Variants in IQCH observed in about 807,000 individuals in gnomAD.
IQCH encodes the protein IQ motif containing H, also known as IQ domain-containing protein H.
In IQCH, 98 loss-of-function variants were observed where a neutral mutation model predicts 117.0. That is an observed-to-expected ratio of 0.84 (90% CI 0.71 to 0.99). The LOEUF (loss-of-function observed/expected upper bound fraction) is 0.99, where lower values mean the gene tolerates loss of function less well. Ranked by LOEUF, IQCH falls within the 50% of genes least tolerant of loss-of-function variation. The pLI is 0.00. For synonymous variants in IQCH, 412 were observed against 448.2 expected, an observed-to-expected ratio of 0.92 and a Z score of 1.02; for missense variants, 1,102 against 1,243.8, an observed-to-expected ratio of 0.89 and a Z score of 1.72.
At chr15:67,263,034 A>G (rs1258736816) in intron 2 of IQCH, 88 bp from the exon 3 acceptor site, 2 of 751,574 alleles carry the variant, frequency 2.7e-6, no homozygotes, top group Non-Finnish European at 4.7e-6. Context: ...GCTTAATTAC[A>G]GGATTCAGAG....
intron 4 of IQCH, among the ~76,000 whole-genome samples, chr15:67,330,681 G>A (rs1170008991): frequency 6.6e-6 from 1 of 152,134 alleles, no homozygotes; most frequent in African/African-American, 2.4e-5. Flanking sequence ...AAACAAAAAA[G>A]CCCCACTGGG....
chr15:67,307,040 G>A, intron 4 of IQCH: 2 of 1,307,130 alleles, frequency 1.5e-6, no homozygotes, highest in Non-Finnish European at 1.9e-6. Context: ...AATTATGAAT[G>A]CATAACAAAA....
intron 10 of IQCH, among the ~76,000 whole-genome samples, chr15:67,380,041 G>A (rs368338007): frequency 1.3e-5 from 2 of 152,146 alleles, no homozygotes; most frequent in African/African-American, 4.8e-5. Context: ...TAGTAGAGAT[G>A]GGGTTTCTCC....
chr15:67,309,861 A>G (rs1967498231), intron 4 of IQCH, among the ~76,000 whole-genome samples: 1 of 150,714 alleles, frequency 6.6e-6, no homozygotes, highest in Non-Finnish European at 1.5e-5. Context: ...AGCAAATTAC[A>G]TTTCAGATCC....
rs1395123048 is a variant in IQCH at position 67,386,012 on chromosome 15, A to C, written c.1456+993A>C. ...AAATACATCAGTACTAGAAATTTAC[A>C]GTGTCCTAAAATAATAATCATAATT... On this transcript the variant is annotated intron_variant, in intron 11 of 20. Coordinates refer to ENST00000335894, the MANE Select transcript of IQCH (RefSeq NM_001031715.3). The surrounding 1 kb of genome is among the most constrained non-coding windows in gnomAD (Gnocchi z 5.0). Among the ~76,000 whole-genome samples, 12 of 152,192 alleles carry C rather than the reference A, an allele frequency of 7.9e-5. No individual in the cohort carries two copies. Among genetic ancestry groups the C allele is most frequent in the Non-Finnish European group, 1.8e-4 (12 of 68,028 alleles).
chr15:67,320,565 G>A (rs561861322), intron 4 of IQCH, among the ~76,000 whole-genome samples: 2 of 152,254 alleles, frequency 1.3e-5, no homozygotes, highest in South Asian at 2.1e-4. Flanking sequence ...AGAAAAAATA[G>A]CAACAAAGAA....
At chr15:67,302,240 C>A (rs548854192) in intron 4 of IQCH, among the ~76,000 whole-genome samples, 2 of 152,238 alleles carry the variant, frequency 1.3e-5, no homozygotes, top group East Asian at 3.9e-4. Flanking sequence ...ATTACAGAAA[C>A]CCACATCCAG....
rs2081823171 is a variant in IQCH, at chr15:67,424,082, G to C, written c.2505+2505G>C. ...TTACCACCCTTCTGGGCTTCTGGCT[G>C]AAAGGTCCCACCCTTCACTTGGCTG... On this transcript the variant is annotated intron_variant, in intron 16 of 20. Transcript: ENST00000335894. The surrounding 1 kb of genome is among the most constrained non-coding windows in gnomAD (Gnocchi z 4.9). 6.6e-6 allele frequency among the ~76,000 whole-genome samples: 1 copy of C among 152,142 alleles called. No homozygotes were observed. Among genetic ancestry groups the C allele is most frequent in the Admixed American group, 6.5e-5 (1 of 15,276 alleles).
rs1247000915 is a variant in IQCH, at chr15:67,408,551, T to C, written c.2097+8246T>C. On this transcript the variant is annotated intron_variant, in intron 14 of 20. Transcript: ENST00000335894. This position sits in a 1 kb window ranked among gnomAD's most constrained non-coding sequence, Gnocchi z 4.2. ...GTATGCATCTGTATGTGTGGAAATA[T>C]CAAACAAGGCACAGCTCTTCACTCT... 2.0e-5 allele frequency: 3 copies of C among 152,210 alleles called. No homozygotes were observed. Among genetic ancestry groups the C allele is most frequent in the Admixed American group, 6.5e-5 (1 of 15,276 alleles). The allele number at this position is 152,210 out of a possible 1,614,324, so 9.4% of individuals were successfully genotyped here. A position where few individuals can be genotyped will look rare whatever the true frequency, so the allele number is the denominator to read the frequency against.
chr15:67,354,801 G>T (rs932945100), intron 6 of IQCH, among the ~76,000 whole-genome samples: 2 of 152,210 alleles, frequency 1.3e-5, no homozygotes, highest in Admixed American at 1.3e-4. Context: ...GGTTGTCATG[G>T]TGTTCTTTCT....
rs1387044769 is a variant in IQCH, at chr15:67,405,450, A to G, written c.2097+5145A>G. 2 of 153,554 alleles carry G rather than the reference A, an allele frequency of 1.3e-5. No homozygotes were observed. The highest frequency in any genetic ancestry group is 2.9e-5 in the Non-Finnish European group (2 of 69,008). 9.5% of individuals were successfully genotyped at this position (153,554 alleles called of 1,614,324 possible). A position where few individuals can be genotyped will look rare whatever the true frequency, so the allele number is the denominator to read the frequency against. On this transcript the variant is annotated intron_variant, in intron 14 of 20. Coordinates refer to ENST00000335894, the MANE Select transcript of IQCH (RefSeq NM_001031715.3). This position sits in a 1 kb window ranked among gnomAD's most constrained non-coding sequence, Gnocchi z 4.8. ...CATCAATAAATACTGCAGAGTACCT[A>G]CTGGGTACCAGGTATTGTGCTAAGC...
intron 4 of IQCH, among the ~76,000 whole-genome samples, chr15:67,329,111 C>T (rs1968543006): frequency 6.6e-6 from 1 of 152,038 alleles, no homozygotes; most frequent in Admixed American, 6.6e-5. Flanking sequence ...CTAGCCTGGA[C>T]ACCATGGTGA....
intron 15 of IQCH, among the ~76,000 whole-genome samples, chr15:67,418,605 T>A (rs1403387084): frequency 1.5e-5 from 2 of 135,030 alleles, no homozygotes; most frequent in Non-Finnish European, 3.2e-5. Context: ...TGAGATGGAG[T>A]TTCACTCTTG....
intron 16 of IQCH, among the ~76,000 whole-genome samples, chr15:67,434,771 TTTTC>T (rs1409702554): frequency 5.6e-5 from 8 of 143,750 alleles, no homozygotes; most frequent in Non-Finnish European, 1.2e-4. Flanking sequence ...ATCTTTTGTC[TTTTC>T]TTTTCTTTTC....
rs112734169 is a variant in IQCH, at chr15:67,478,356, G to A, written c.2799+2538G>A. Among the ~76,000 whole-genome samples the A allele has an allele frequency of 9.1e-3, 1,383 of 152,072 alleles. 33 individuals are homozygous for A. The highest frequency in any genetic ancestry group is 0.032 in the African/African-American group (1,322 of 41,468). ...GTCAAGATCGTGCCACTGCACTCCA[G>A]CCTGGGCCACAGAGCGAGACTCTGT... On this transcript the variant is annotated intron_variant, in intron 18 of 20. Coordinates refer to ENST00000335894, the MANE Select transcript of IQCH (RefSeq NM_001031715.3).
chr15:67,373,300 C>G, intron 9 of IQCH, 67 bp from the exon 10 acceptor site: 1 of 1,017,562 alleles, frequency 9.8e-7, no homozygotes, highest in Non-Finnish European at 1.5e-6. Context: ...GGAAAAACAG[C>G]TGAAGTTTGA....
Position 67,411,104 on chromosome 15 carries a change from A to T in IQCH, c.2098-5827A>T, listed in dbSNP as rs2140893471. On this transcript the variant is annotated intron_variant, in intron 14 of 20. Coordinates refer to ENST00000335894, the MANE Select transcript of IQCH (RefSeq NM_001031715.3). The surrounding 1 kb of genome is among the most constrained non-coding windows in gnomAD (Gnocchi z 4.4). The stretch of plus-strand genomic sequence containing the variant: ...TTTAGGATTTTAATAAAGCCTAAAA[A>T]GTGACTAAAATGTATCCTGTGCACA... Among the ~76,000 whole-genome samples, 1 of 152,298 alleles carries T rather than the reference A, an allele frequency of 6.6e-6. No homozygotes were observed. The highest frequency in any genetic ancestry group is 2.4e-5 in the African/African-American group (1 of 41,562).
intron 5 of IQCH, among the ~76,000 whole-genome samples, chr15:67,341,177 A>ACT (rs1969156396): frequency 6.6e-6 from 1 of 152,164 alleles, no homozygotes; most frequent in African/African-American, 2.4e-5. Context: ...ATGCCACTAT[A>ACT]CTCTAGCCTG....
intron 4 of IQCH, among the ~76,000 whole-genome samples, chr15:67,304,163 G>T (rs1184901842): frequency 6.6e-6 from 1 of 152,130 alleles, no homozygotes; most frequent in Non-Finnish European, 1.5e-5. Context: ...TTCCTTTTCT[G>T]TGAATAAAAG....
Sources: allele counts gnomAD v4.1 joint callset (sites outside exome capture counted in the v4.1 genomes callset), GRCh38; gene constraint gnomAD v4.1.1; non-coding constraint Gnocchi (gnomAD v3.1); transcripts MANE v1.5; gene names NCBI Gene and HGNC (gene_info 2026-07-23, HGNC 2026-07-21).